MERTK: variants seen among roughly 807,000 people sequenced by gnomAD.
MERTK encodes the protein MER proto-oncogene, tyrosine kinase.
In MERTK, 69 loss-of-function variants were observed where a neutral mutation model predicts 99.3. That is an observed-to-expected ratio of 0.70 (90% CI 0.57 to 0.85). The LOEUF (loss-of-function observed/expected upper bound fraction) is 0.85, where lower values mean the gene tolerates loss of function less well. Ranked by LOEUF, MERTK falls within the 40% of genes least tolerant of loss-of-function variation. The pLI is 0.00. For missense variants in MERTK, 1,125 were observed against 1,249.4 expected, an observed-to-expected ratio of 0.90 and a Z score of 1.50; for synonymous variants, 426 against 467.6, an observed-to-expected ratio of 0.91 and a Z score of 1.15.
At chr2:112,005,806 A>G (rs1360258088) in intron 13 of MERTK, among the ~76,000 whole-genome samples, 1 of 152,208 alleles carries the variant, frequency 6.6e-6, no homozygotes, top group Non-Finnish European at 1.5e-5. Flanking sequence ...ATTTAAATCC[A>G]CTATTTACTG....
chr2:112,012,012 TA>T (rs1204328985), intron 15 of MERTK, among the ~76,000 whole-genome samples: 5 of 152,126 alleles, frequency 3.3e-5, no homozygotes, highest in African/African-American at 1.2e-4. Context: ...AGTGGGGGCA[TA>T]GGGGCAGGAA....
At chr2:111,954,021 C>T (rs1685103035) in intron 4 of MERTK, among the ~76,000 whole-genome samples, 1 of 152,194 alleles carries the variant, frequency 6.6e-6, no homozygotes, top group South Asian at 2.1e-4. Flanking sequence ...GTTCTCATCC[C>T]CCTACCCCAC....
intron 15 of MERTK, among the ~76,000 whole-genome samples, chr2:112,018,577 A>G (rs904932959): frequency 2.6e-5 from 4 of 152,210 alleles, no homozygotes; most frequent in African/African-American, 9.7e-5. Context: ...TGGCAAATTC[A>G]GTGCCTTGGG....
At chr2:111,979,492 C>T (rs1676322982) in intron 7 of MERTK, among the ~76,000 whole-genome samples, 2 of 151,866 alleles carry the variant, frequency 1.3e-5, no homozygotes, top group Non-Finnish European at 2.9e-5. Context: ...TTCAGTGGCC[C>T]CTTTGATCTG....
rs1322387107 is a variant in MERTK, at chr2:111,980,523, A to G, written c.1145-2319A>G. 1.1e-4 allele frequency among the ~76,000 whole-genome samples: 16 copies of G among 141,888 alleles called. No homozygotes were observed. In the Admixed American group the frequency reaches 1.3e-3, roughly 11 times the overall value. 93.1% of individuals were successfully genotyped at this position (141,888 alleles called of 152,430 possible). A position where few individuals can be genotyped will look rare whatever the true frequency, so the allele number is the denominator to read the frequency against. Reference sequence around the variant, plus strand: ...AAGCTCTGCCTCCCGGGTTCATGCCATTCTCCTGCCTCAGCCTCCTGAGTA... The same window carrying G: ...AAGCTCTGCCTCCCGGGTTCATGCCGTTCTCCTGCCTCAGCCTCCTGAGTA... On this transcript the variant is annotated intron_variant, in intron 7 of 18. Coordinates refer to ENST00000295408, the MANE Select transcript of MERTK (RefSeq NM_006343.3).
At position 111,968,230 on chromosome 2, in the gene MERTK, CG is replaced by C; in HGVS notation, c.939del (p.Phe314SerfsTer14). The C allele has an allele frequency of 6.2e-7, 1 of 1,613,592 alleles. No homozygotes were observed. Among genetic ancestry groups the C allele is most frequent in the Non-Finnish European group, 8.5e-7 (1 of 1,179,634 alleles). ...GTTCCTGGTTTTGATGGATACTCCC[CG>C]TTCAGGAATTGCAGCATTCAGGTAA... ...SWVPGFDGYS[P>X]FRNCSIQVKE... On this transcript the variant is annotated frameshift_variant, in exon 6 of 19. Coordinates refer to ENST00000295408, the MANE Select transcript of MERTK (RefSeq NM_006343.3). LOFTEE classifies it high-confidence loss of function.
At chr2:111,925,292 A>ATATATTTTTT (rs372747015) in intron 1 of MERTK, among the ~76,000 whole-genome samples, 3 of 24,500 alleles carry the variant, frequency 1.2e-4, no homozygotes, top group African/African-American at 4.3e-4. Context: ...ATATATATAT[A>ATATATTTTTT]TTTTTTTTTT....
chr2:111,932,504 G>C (rs1029005626), intron 2 of MERTK, among the ~76,000 whole-genome samples: 3 of 152,176 alleles, frequency 2.0e-5, no homozygotes, highest in Admixed American at 2.0e-4. Context: ...AGTTGAATTA[G>C]GTAGCATACA....
intron 4 of MERTK, among the ~76,000 whole-genome samples, chr2:111,963,654 T>C (rs1685300221): frequency 6.6e-6 from 1 of 152,226 alleles, no homozygotes; most frequent in South Asian, 2.1e-4. Flanking sequence ...ACACAGCACA[T>C]GTTTCAGGGA....
Position 111,975,402 on chromosome 2 carries a change from T to C in MERTK, c.1074T>C (p.Gly358=). ...AAGCCCTGGCTAATTACAGCATTGG[T>C]GTTTCCTGCATGAATGAAATAGGCT... ...QLQALANYSI[G]VSCMNEIGWS... is the part of the protein sequence containing the mutation. Residue 358 remains glycine (G), a synonymous_variant, in exon 7 of 19, where the codon GGT becomes GGC. Transcript: ENST00000295408. 24 of 1,614,208 alleles carry C rather than the reference T, an allele frequency of 1.5e-5. No homozygotes were observed. The highest frequency in any genetic ancestry group is 1.8e-5 in the Non-Finnish European group (21 of 1,180,030).
intron 16 of MERTK, among the ~76,000 whole-genome samples, chr2:112,019,758 C>T (rs1329529229): frequency 1.3e-5 from 2 of 152,188 alleles, no homozygotes; most frequent in Non-Finnish European, 2.9e-5. Context: ...GTTTTACCTT[C>T]ACTCTCTCAC....
At chr2:111,916,142 GT>G in intron 1 of MERTK, among the ~76,000 whole-genome samples, 1 of 151,978 alleles carries the variant, frequency 6.6e-6, no homozygotes, top group East Asian at 1.9e-4. Flanking sequence ...TTGAAACAGG[GT>G]CTCATTCTGT....
intron 7 of MERTK, among the ~76,000 whole-genome samples, chr2:111,978,449 T>TTTTGTTTG (rs146880586): frequency 3.2e-5 from 3 of 94,266 alleles, no homozygotes; most frequent in African/African-American, 9.3e-5. Context: ...CCAGCATGTT[T>TTTTGTTTG]TTTGTTTGTT....
intron 10 of MERTK, among the ~76,000 whole-genome samples, chr2:112,000,163 A>C (rs1009573013): frequency 2.0e-5 from 3 of 152,136 alleles, no homozygotes; most frequent in South Asian, 2.1e-4. Flanking sequence ...TCTTTTGTGG[A>C]TCTTCGGTTG....
intron 15 of MERTK, among the ~76,000 whole-genome samples, chr2:112,018,400 A>G (rs1196425082): frequency 6.6e-6 from 1 of 152,198 alleles, no homozygotes; most frequent in East Asian, 1.9e-4. Context: ...AAATACCCAA[A>G]TAATACAGAA....
At chr2:111,944,752 C>A (rs188206871) in intron 2 of MERTK, among the ~76,000 whole-genome samples, 2 of 152,174 alleles carry the variant, frequency 1.3e-5, no homozygotes, top group African/African-American at 4.8e-5. Flanking sequence ...AAGGCTGCTG[C>A]TTTAAATGCT....
chr2:112,029,358 G>GATTTTTT lies in MERTK; in HGVS notation c.*495_*496insTTTTTTA. ...CTGATATGGCTTCCTAATAAAATAT[G>GATTTTTT]AATAAGGAAGGATATGTTGAACTTA... On this transcript the variant is annotated 3_prime_UTR_variant, in exon 19 of 19. Coordinates refer to ENST00000295408, the MANE Select transcript of MERTK (RefSeq NM_006343.3). 6.4e-6 allele frequency: 6 copies of GATTTTTT among 937,292 alleles called. No homozygotes were observed. Among genetic ancestry groups the GATTTTTT allele is most frequent in the South Asian group, 9.7e-5 (2 of 20,610 alleles). 58.1% of individuals were successfully genotyped at this position (937,292 alleles called of 1,614,324 possible).
In MERTK at chr2:111,968,211, G is replaced by T; in HGVS notation, c.919G>T (p.Gly307Cys). The T allele has an allele frequency of 6.2e-7, 1 of 1,614,006 alleles. No homozygotes were observed. Among genetic ancestry groups the T allele is most frequent in the Non-Finnish European group, 8.5e-7 (1 of 1,179,988 alleles). Residue 307 changes from glycine to cysteine, a missense_variant, in exon 6 of 19, where the codon GGT becomes TGT. Transcript: ENST00000295408. ...AHSILISWVPGFDGYSPFRNC... is the reference protein window; with the variant it reads ...AHSILISWVPCFDGYSPFRNC... ...CAGCATTCTGATCTCCTGGGTTCCT[G>T]GTTTTGATGGATACTCCCCGTTCAG...
intron 3 of MERTK, among the ~76,000 whole-genome samples, chr2:111,946,577 T>C (rs1172229335): frequency 6.6e-6 from 1 of 152,224 alleles, no homozygotes; most frequent in Non-Finnish European, 1.5e-5. Context: ...ACAGTTTTCA[T>C]GAGAATTTGC....
Sources: gnomAD v4.1 joint callset for allele counts (sites outside exome capture counted in the v4.1 genomes callset) on GRCh38, gnomAD v4.1.1 for gene constraint, MANE v1.5 for transcripts, NCBI Gene and HGNC (gene_info 2026-07-23, HGNC 2026-07-21) for gene names.